Variants in DPP6 observed in about 807,000 individuals in gnomAD.
DPP6 encodes the protein dipeptidyl peptidase like 6, also known as A-type potassium channel modulatory protein DPP6.
Under a neutral mutation model 122.6 loss-of-function variants are expected in DPP6, and 69 were observed. The ratio of observed to expected loss-of-function variants is 0.56; its 90% CI spans 0.46 to 0.69. The LOEUF (loss-of-function observed/expected upper bound fraction) is 0.69, where lower values mean the gene tolerates loss of function less well. DPP6 is among the 30% of genes least tolerant of loss of function. The pLI, the probability that DPP6 is intolerant of heterozygous loss-of-function variation, is 0.00. For missense variants in DPP6, 928 were observed against 1,116.9 expected, an observed-to-expected ratio of 0.83 and a Z score of 2.41; for synonymous variants, 418 against 433.1, an observed-to-expected ratio of 0.97 and a Z score of 0.43.
At chr7:154,460,975 C>T (rs1163231950) in intron 2 of DPP6, among the ~76,000 whole-genome samples, 1 of 152,022 alleles carries the variant, frequency 6.6e-6, no homozygotes, top group Non-Finnish European at 1.5e-5. Context: ...TACCCATTAA[C>T]CATCCCCCTC....
chr7:153,848,880 A>G, the DPP6 span, among the ~76,000 whole-genome samples: 2 of 152,182 alleles, frequency 1.3e-5, no homozygotes, highest in South Asian at 2.1e-4. Flanking sequence ...TTCTATTGTC[A>G]TACTTTCCAT....
chr7:154,129,520 T>C (rs1808201422), intron 1 of DPP6, among the ~76,000 whole-genome samples: 1 of 152,186 alleles, frequency 6.6e-6, no homozygotes, highest in Non-Finnish European at 1.5e-5. Context: ...GCCAGCACTT[T>C]GGCAGGCTGA....
intron 1 of DPP6, among the ~76,000 whole-genome samples, chr7:154,330,443 T>G (rs1808824976): frequency 6.6e-6 from 1 of 152,134 alleles, no homozygotes; most frequent in Non-Finnish European, 1.5e-5. Context: ...TGGCCAGTTA[T>G]GTCACTGTGG....
intron 7 of DPP6, among the ~76,000 whole-genome samples, chr7:154,684,502 T>A: frequency 6.6e-6 from 1 of 152,262 alleles, no homozygotes; most frequent in East Asian, 1.9e-4. Context: ...TTTTTCAATT[T>A]AAGCGTAAAC....
At chr7:153,964,828 T>TTTCCTTTCCTTTCCTTTCCTTTCC (rs1477877461) in intron 1 of DPP6, among the ~76,000 whole-genome samples, 1 of 122,416 alleles carries the variant, frequency 8.2e-6, no homozygotes, top group African/African-American at 3.8e-5. Flanking sequence ...TTTCCTTTCC[T>TTTCCTTTCCTTTCCTTTCCTTTCC]TTTCCTTTTC....
At chr7:154,261,621 A>T (rs1225893725) in intron 1 of DPP6, among the ~76,000 whole-genome samples, 1 of 152,170 alleles carries the variant, frequency 6.6e-6, no homozygotes, top group African/African-American at 2.4e-5. Flanking sequence ...AGTGGGGGAA[A>T]ATCTTCACAA....
In DPP6 at chr7:154,587,081, G is replaced by A. The variant is rs145197748; in HGVS notation, c.627+20165G>A. 977 of 152,972 alleles carry A rather than the reference G, an allele frequency of 6.4e-3. 5 individuals carry two copies. Among genetic ancestry groups the A allele is most frequent in the Middle Eastern group, 0.02 (6 of 294 alleles). The allele number at this position is 152,972 out of a possible 1,614,324, so 9.5% of individuals were successfully genotyped here. A position where few individuals can be genotyped will look rare whatever the true frequency, so the allele number is the denominator to read the frequency against. ...GCTTTCTTCCTTCACAAAAGGATGC[G>A]CAAGAGAGTTGAGGATCTTGAGTCT... On this transcript the variant is annotated intron_variant, in intron 5 of 25. Transcript: ENST00000377770.
intron 11 of DPP6, 70 bp downstream of exon 11, chr7:154,794,272 C>T: frequency 6.7e-7 from 1 of 1,484,490 alleles, no homozygotes. Context: ...CGAGGTGGCG[C>T]CAGAGTCGTC....
At chr7:153,924,698 C>G (rs971004079) in intron 1 of DPP6, among the ~76,000 whole-genome samples, 1 of 152,212 alleles carries the variant, frequency 6.6e-6, no homozygotes, top group Non-Finnish European at 1.5e-5. Flanking sequence ...AACAGACCAT[C>G]TGCCTTGTTG....
chr7:153,829,576 A>G, the DPP6 span, among the ~76,000 whole-genome samples: 7 of 152,026 alleles, frequency 4.6e-5, no homozygotes, highest in Admixed American at 4.6e-4. Flanking sequence ...TTCTGTCCTC[A>G]TTCATTCTAC....
intron 1 of DPP6, among the ~76,000 whole-genome samples, chr7:154,030,525 T>C (rs558869008): frequency 6.6e-6 from 1 of 152,266 alleles, no homozygotes; most frequent in South Asian, 2.1e-4. Context: ...TCCTGCATCA[T>C]AACGGTGCTT....
intron 1 of DPP6, among the ~76,000 whole-genome samples, chr7:154,201,885 C>T (rs1033560248): frequency 3.3e-5 from 5 of 152,208 alleles, no homozygotes; most frequent in African/African-American, 9.6e-5. Flanking sequence ...ACCTAAACTT[C>T]CTAGATCTGT....
At chr7:154,806,775 AG>A (rs1307071303) in intron 15 of DPP6, among the ~76,000 whole-genome samples, 1 of 152,174 alleles carries the variant, frequency 6.6e-6, no homozygotes, top group African/African-American at 2.4e-5. Context: ...GGATGCTGAA[AG>A]CTCTTGAGAG....
In DPP6 at chr7:154,602,865, G is replaced by A. The variant is rs888188276; in HGVS notation, c.628-34956G>A. On this transcript the variant is annotated intron_variant, in intron 5 of 25. Coordinates refer to ENST00000377770, the MANE Select transcript of DPP6 (RefSeq NM_130797.4). ...CATCTTAATTCTTTTTTATAGAAAC[G>A]AATTTCCTCTGGCTTTATTTTCTTT... is the stretch of plus-strand genomic sequence containing the variant. 2.8e-4 allele frequency among the ~76,000 whole-genome samples: 33 copies of A among 117,824 alleles called. 8 individuals are homozygous for A. Among genetic ancestry groups the A allele is most frequent in the Admixed American group, 1.1e-3 (11 of 10,388 alleles). The allele number at this position is 117,824 out of a possible 152,430, so 77.3% of individuals were successfully genotyped here. A position where few individuals can be genotyped will look rare whatever the true frequency, so the allele number is the denominator to read the frequency against.
At chr7:153,814,019 T>G in the DPP6 span, among the ~76,000 whole-genome samples, 1 of 139,438 alleles carries the variant, frequency 7.2e-6, no homozygotes, top group Non-Finnish European at 1.5e-5. Flanking sequence ...AGAAGCTGTT[T>G]AGTTTAATTA....
chr7:153,785,248 C>T, the DPP6 span, among the ~76,000 whole-genome samples: 6 of 152,180 alleles, frequency 3.9e-5, no homozygotes, highest in African/African-American at 1.4e-4. Flanking sequence ...ACGTTCTGCT[C>T]TGCTCCCTTT....
chr7:154,396,191 A>G (rs1302924294), intron 1 of DPP6, among the ~76,000 whole-genome samples: 1 of 152,192 alleles, frequency 6.6e-6, no homozygotes, highest in Non-Finnish European at 1.5e-5. Context: ...AAAACAATTC[A>G]TGTTCATTAT....
chr7:154,286,365 A>T (rs758493646), intron 1 of DPP6, among the ~76,000 whole-genome samples: 1 of 152,158 alleles, frequency 6.6e-6, no homozygotes, highest in African/African-American at 2.4e-5. Flanking sequence ...CAGGACAGAC[A>T]TTGAGGCTTA....
At chr7:154,061,252 G>T (rs1330940905) in intron 1 of DPP6, among the ~76,000 whole-genome samples, 1 of 149,460 alleles carries the variant, frequency 6.7e-6, no homozygotes, top group Non-Finnish European at 1.5e-5. Context: ...CTTTTGAAAT[G>T]GGGATCCCAA....
Sources: allele counts gnomAD v4.1 joint callset (sites outside exome capture counted in the v4.1 genomes callset), GRCh38; gene constraint gnomAD v4.1.1; transcripts MANE v1.5; gene names NCBI Gene and HGNC (gene_info 2026-07-23, HGNC 2026-07-21).